The following MAP4K5 variants were observed in gnomAD, a reference collection of about 807,000 sequenced individuals.
MAP4K5 encodes mitogen-activated protein kinase kinase kinase kinase 5, also known as MAPK/ERK kinase kinase kinase 5.
Under a neutral mutation model 135.6 loss-of-function variants are expected in MAP4K5, and 82 were observed. That is an observed-to-expected ratio of 0.60 (90% CI 0.51 to 0.73). The LOEUF (loss-of-function observed/expected upper bound fraction) is 0.73, where lower values mean the gene tolerates loss of function less well. Among genes scored for constraint, MAP4K5 ranks in the 30% least tolerant of loss-of-function variants. The pLI is 0.00. For synonymous variants in MAP4K5, 347 were observed against 335.0 expected (o/e 1.04, Z -0.39); for missense variants, 907 against 1,010.9 (o/e 0.90, Z 1.39).
At chr14:50,450,856 A>G (rs1230015288) in intron 14 of MAP4K5, among the ~76,000 whole-genome samples, 1 of 152,224 alleles carries the variant, frequency 6.6e-6, no homozygotes, top group Non-Finnish European at 1.5e-5. Flanking sequence ...CCAGATGCTC[A>G]ACATTGTATT....
rs904122240 is a variant in MAP4K5 at position 50,456,992 on chromosome 14, G to T, written c.937-398C>A. Among the ~76,000 whole-genome samples, 6 of 152,190 alleles carry T rather than the reference G, an allele frequency of 3.9e-5. 1 individual carries two copies. The highest frequency in any genetic ancestry group is 1.4e-4 in the African/African-American group (6 of 41,444). Reference sequence around the variant, plus strand: ...CATGAAAGCTGTAATCTCATCTGGGGCTCTGAAGTACCAGTATGTACTGAA... The same window carrying T: ...CATGAAAGCTGTAATCTCATCTGGGTCTCTGAAGTACCAGTATGTACTGAA... On this transcript the variant is annotated intron_variant, in intron 13 of 32. Coordinates refer to ENST00000682126, the MANE Select transcript of MAP4K5 (RefSeq NM_006575.6).
chr14:50,492,266 A>G (rs1690374279), intron 3 of MAP4K5, among the ~76,000 whole-genome samples: 1 of 152,126 alleles, frequency 6.6e-6, no homozygotes. Context: ...CACAGGTAAC[A>G]AAAGCAAAAA....
At position 50,469,554 on chromosome 14, in the gene MAP4K5, A is replaced by C. The variant is rs1014824982; in HGVS notation, c.543-772T>G. 1.2e-4 allele frequency among the ~76,000 whole-genome samples: 18 copies of C among 152,330 alleles called. No homozygotes were observed. In the East Asian group the frequency reaches 3.3e-3, roughly 28 times the overall value. On this transcript the variant is annotated intron_variant, in intron 9 of 32. Coordinates refer to ENST00000682126, the MANE Select transcript of MAP4K5 (RefSeq NM_006575.6). ...CTAAAACTGCATGGCAAGATGAAGGATAGTGTGAAATCAGGTGAAATCAGT... is the reference window on the plus strand; with the variant it reads ...CTAAAACTGCATGGCAAGATGAAGGCTAGTGTGAAATCAGGTGAAATCAGT...
intron 2 of MAP4K5, among the ~76,000 whole-genome samples, chr14:50,510,925 T>C (rs1463724028): frequency 6.6e-6 from 1 of 152,174 alleles, no homozygotes; most frequent in African/African-American, 2.4e-5. Context: ...TCTTACCTTA[T>C]GAGCCAGCCA....
In MAP4K5 at chr14:50,420,169, C is replaced by T. The variant is rs1425008869; in HGVS notation, c.2454-63G>A. 5.9e-6 allele frequency: 5 copies of T among 846,270 alleles called. No homozygotes were observed. The African/African-American group carries it at 8.3e-5, about 14-fold the overall frequency. The allele number at this position is 846,270 out of a possible 1,614,324, so 52.4% of individuals were successfully genotyped here. A position where few individuals can be genotyped will look rare whatever the true frequency, so the allele number is the denominator to read the frequency against. On this transcript the variant is annotated intron_variant, in intron 32 of 32. Coordinates refer to ENST00000682126, the MANE Select transcript of MAP4K5 (RefSeq NM_006575.6). ...ACAGATTTCATACATCAAATACTAA[C>T]ATCAAACTAGGAAAGAATATCATTG...
chr14:50,461,182 C>T lies in MAP4K5; in HGVS notation c.936+1483G>A, dbSNP rs187060605. On this transcript the variant is annotated intron_variant, in intron 13 of 32. Coordinates refer to ENST00000682126, the MANE Select transcript of MAP4K5 (RefSeq NM_006575.6). ...CTGGGACTACAGGCGCCTGCCATCA[C>T]ATCCAGCTAATTTTTGTATTTTTTT... 4.2e-3 allele frequency among the ~76,000 whole-genome samples: 636 copies of T among 152,086 alleles called. 6 individuals are homozygous for T. The highest frequency in any genetic ancestry group is 7.0e-3 in the Non-Finnish European group (475 of 68,002).
intron 2 of MAP4K5, among the ~76,000 whole-genome samples, chr14:50,527,089 C>G (rs2038282202): frequency 1.3e-5 from 2 of 152,156 alleles, no homozygotes; most frequent in Non-Finnish European, 2.9e-5. Flanking sequence ...CCCTGTAATT[C>G]CAGCACTTTG....
At chr14:50,541,746 C>T (rs747525646) in intron 2 of MAP4K5, among the ~76,000 whole-genome samples, 5 of 151,922 alleles carry the variant, frequency 3.3e-5, no homozygotes, top group East Asian at 3.9e-4. Context: ...GTTGGCCAGG[C>T]GCGGTGGCTC....
intron 9 of MAP4K5, among the ~76,000 whole-genome samples, chr14:50,474,647 G>T (rs1469618084): frequency 6.6e-6 from 1 of 152,084 alleles, no homozygotes; most frequent in Non-Finnish European, 1.5e-5. Flanking sequence ...ATTAAACTTA[G>T]GTGATGGGTC....
intron 14 of MAP4K5, among the ~76,000 whole-genome samples, chr14:50,455,008 CAGAATAGAATTTCCAGAAT>C (rs569345447): frequency 4.3e-4 from 65 of 151,886 alleles, no homozygotes; most frequent in Middle Eastern, 3.4e-3. Flanking sequence ...AGACATGCAA[CAGAATAGAATTTCCAGAAT>C]AGAATAGAAT....
At chr14:50,550,487 A>T (rs1486908399) in intron 1 of MAP4K5, among the ~76,000 whole-genome samples, 2 of 152,146 alleles carry the variant, frequency 1.3e-5, no homozygotes, top group African/African-American at 2.4e-5. Context: ...CCCCTTGTTA[A>T]GTTGCAATGG....
intron 1 of MAP4K5, chr14:50,559,221 T>C (rs756182969): frequency 2.6e-5 from 4 of 152,190 alleles, no homozygotes; most frequent in African/African-American, 9.7e-5. Context: ...ATGGATCTGG[T>C]AATTAAGAGG....
chr14:50,503,924 T>C (rs1262440077), intron 3 of MAP4K5, among the ~76,000 whole-genome samples: 1 of 151,986 alleles, frequency 6.6e-6, no homozygotes, highest in Non-Finnish European at 1.5e-5. Context: ...ATTTTGGAGA[T>C]CATTTTAAAC....
intron 2 of MAP4K5, among the ~76,000 whole-genome samples, chr14:50,515,358 C>CT (rs969884275): frequency 1.6e-4 from 25 of 152,182 alleles, no homozygotes; most frequent in African/African-American, 6.0e-4. Context: ...TTTCTAATCA[C>CT]TATCTCCTAT....
intron 1 of MAP4K5, among the ~76,000 whole-genome samples, chr14:50,555,197 T>TGGAAC (rs2038750599): frequency 6.6e-6 from 1 of 152,232 alleles, no homozygotes; most frequent in African/African-American, 2.4e-5. Flanking sequence ...GCAGCCATCA[T>TGGAAC]GGAACATATG....
chr14:50,531,434 G>T (rs142041876), intron 2 of MAP4K5, among the ~76,000 whole-genome samples: 1 of 152,260 alleles, frequency 6.6e-6, no homozygotes, highest in East Asian at 1.9e-4. Context: ...CTTTTTATAT[G>T]GGATAATGCT....
intron 9 of MAP4K5, among the ~76,000 whole-genome samples, chr14:50,474,391 A>G (rs76178257): frequency 2.7e-5 from 4 of 145,482 alleles, no homozygotes; most frequent in African/African-American, 5.0e-5. Context: ...CCTGTCTCAG[A>G]AAAAAAAAAA....
chr14:50,513,915 CA>C lies in MAP4K5; in HGVS notation c.109-9059del, dbSNP rs560924272. Among the ~76,000 whole-genome samples, 396 of 152,280 alleles carry C rather than the reference CA, an allele frequency of 2.6e-3. 1 individual carries two copies. Among genetic ancestry groups the C allele is most frequent in the African/African-American group, 9.0e-3 (375 of 41,542 alleles). ...TAATTATGTATTCCAGATTTAAGAA[CA>C]TGATCTACAATACAAAAGAAGCAAC... is the stretch of plus-strand genomic sequence containing the variant. On this transcript the variant is annotated intron_variant, in intron 2 of 32. Transcript: ENST00000682126.
intron 5 of MAP4K5, chr14:50,482,762 C>T (rs116379177): frequency 0.014 from 2,390 of 168,380 alleles, 52 homozygotes; most frequent in African/African-American, 0.052. Flanking sequence ...GGCGGCAGAA[C>T]GAGACTCGGT....
Sources: allele counts gnomAD v4.1 joint callset (sites outside exome capture counted in the v4.1 genomes callset), GRCh38; gene constraint gnomAD v4.1.1; transcripts MANE v1.5; gene names NCBI Gene and HGNC (gene_info 2026-07-23, HGNC 2026-07-21).